Variants in PREX2 observed in about 807,000 individuals in gnomAD.
PREX2 encodes phosphatidylinositol 3,4,5-trisphosphate-dependent Rac exchanger 2 protein.
A neutral mutation model predicts 203.2 loss-of-function variants in PREX2; 107 were observed. The ratio of observed to expected loss-of-function variants is 0.53; its 90% CI spans 0.45 to 0.62. The LOEUF (loss-of-function observed/expected upper bound fraction) is 0.62, where lower values mean the gene tolerates loss of function less well. Ranked by LOEUF, PREX2 falls within the 20% of genes least tolerant of loss-of-function variation. The pLI is 0.00. For synonymous variants in PREX2, 672 were observed against 663.6 expected (o/e 1.01, Z -0.19); for missense variants, 1,777 against 1,955.9 (o/e 0.91, Z 1.72).
chr8:68,119,582 A>G (rs949973971), intron 28 of PREX2, 68 bp downstream of exon 28: 20 of 1,110,988 alleles, frequency 1.8e-5, no homozygotes, highest in African/African-American at 6.2e-5. Context: ...TTTCATATGC[A>G]GTAAAAGGAG....
intron 35 of PREX2, among the ~76,000 whole-genome samples, chr8:68,174,144 G>T (rs1297856031): frequency 1.3e-5 from 2 of 152,000 alleles, no homozygotes; most frequent in Non-Finnish European, 2.9e-5. Context: ...GACTTCTTTT[G>T]TTTTGTGGAT....
intron 37 of PREX2, among the ~76,000 whole-genome samples, chr8:68,210,324 A>T (rs1203362954): frequency 6.6e-6 from 1 of 152,180 alleles, no homozygotes; most frequent in Non-Finnish European, 1.5e-5. Context: ...AAATTCAGAG[A>T]TCATCACCCT....
At chr8:68,055,703 A>G (rs1255763654) in intron 9 of PREX2, 127 bp from the exon 10 acceptor site, 1 of 844,462 alleles carries the variant, frequency 1.2e-6, no homozygotes, top group Non-Finnish European at 1.8e-6. Flanking sequence ...ACTATTATAC[A>G]GAGATCTGTA....
Position 68,115,889 on chromosome 8 carries a change from G to C in PREX2, c.3283G>C (p.Glu1095Gln). The part of the protein sequence containing the change: ...VCFNVAGDEQ[E>Q]DSGHDTISNR... ...TTTTAATGTAGCAGGAGATGAACAG[G>C]AAGATTCTGGTCATGACACCATCAG... is the stretch of plus-strand genomic sequence containing the variant. Residue 1095 changes from glutamate to glutamine, a missense_variant, in exon 26 of 40, where the codon GAA becomes CAA. Glu to Gln is a conservative substitution (Grantham distance 29). Coordinates refer to ENST00000288368, the MANE Select transcript of PREX2 (RefSeq NM_024870.4). The C allele has an allele frequency of 6.2e-7, 1 of 1,613,674 alleles. No individual in the cohort carries two copies. The highest frequency in any genetic ancestry group is 8.5e-7 in the Non-Finnish European group (1 of 1,179,816).
intron 23 of PREX2, chr8:68,105,163 A>G (rs571804716): frequency 3.7e-6 from 5 of 1,367,680 alleles, no homozygotes; most frequent in African/African-American, 1.5e-5. Context: ...AGGTTTTACA[A>G]TTTCACAGCA....
At chr8:68,050,083 A>G (rs1053496626) in intron 8 of PREX2, among the ~76,000 whole-genome samples, 1 of 150,124 alleles carries the variant, frequency 6.7e-6, no homozygotes, top group African/African-American at 2.5e-5. Flanking sequence ...TATGTTTATA[A>G]TTACTTATTA....
At chr8:68,135,837 CTG>C (rs1811104902) in intron 32 of PREX2, among the ~76,000 whole-genome samples, 3 of 152,068 alleles carry the variant, frequency 2.0e-5, no homozygotes, top group African/African-American at 7.2e-5. Flanking sequence ...TGTCCATCAA[CTG>C]ATGAATGGAT....
chr8:68,146,123 C>T (rs996780187), intron 33 of PREX2, 86 bp from the exon 34 acceptor site: 2 of 901,464 alleles, frequency 2.2e-6, no homozygotes, highest in Non-Finnish European at 3.4e-6. Flanking sequence ...TCGAGTAATT[C>T]TCAGGATTCT....
In PREX2 at chr8:68,099,839, A is replaced by G. The variant is rs757982109; in HGVS notation, c.2711A>G (p.Lys904Arg). 3 of 1,607,986 alleles carry G rather than the reference A, an allele frequency of 1.9e-6. No homozygotes were observed. In the South Asian group the frequency reaches 3.3e-5, roughly 18 times the overall value. The change falls in exon 23 of 40, where the codon AAA becomes AGA. Residue 904 changes from lysine to arginine, a missense_variant. Lys to Arg is a conservative substitution (Grantham distance 26, BLOSUM62 2). Coordinates refer to ENST00000288368, the MANE Select transcript of PREX2 (RefSeq NM_024870.4). ...EHLCQRISSY[K>R]KFSRVLKNRA... ...CTATGTCAGAGAATATCCAGTTATAAAAAGGTAAGTGTTCTATTGATTTTA... is the reference window on the plus strand; with the variant it reads ...CTATGTCAGAGAATATCCAGTTATAGAAAGGTAAGTGTTCTATTGATTTTA...
chr8:67,988,877 G>A (rs75728369), intron 1 of PREX2, among the ~76,000 whole-genome samples: 1 of 152,208 alleles, frequency 6.6e-6, no homozygotes, highest in Non-Finnish European at 1.5e-5. Context: ...CCAAGAGGCA[G>A]CATGGCCGTA....
At chr8:68,111,009 G>T (rs1293231987) in intron 25 of PREX2, 1 of 392,976 alleles carries the variant, frequency 2.5e-6, no homozygotes, top group Non-Finnish European at 5.0e-6. Context: ...TTTGAATTGT[G>T]TTGGAATCCT....
At chr8:67,965,955 T>A (rs1286246635) in intron 1 of PREX2, among the ~76,000 whole-genome samples, 1 of 152,176 alleles carries the variant, frequency 6.6e-6, no homozygotes, top group Non-Finnish European at 1.5e-5. Flanking sequence ...AATTCTCACA[T>A]GTAAGTTGGG....
chr8:68,112,381 A>T (rs927141169), intron 25 of PREX2, among the ~76,000 whole-genome samples: 2 of 152,170 alleles, frequency 1.3e-5, no homozygotes, highest in Non-Finnish European at 2.9e-5. Flanking sequence ...GGACTGGTAG[A>T]CATAGGGGAT....
At chr8:68,060,869 A>G (rs1808830323) in intron 11 of PREX2, 90 bp downstream of exon 11, 1 of 812,576 alleles carries the variant, frequency 1.2e-6, no homozygotes, top group South Asian at 1.8e-5. Flanking sequence ...ACAATTCCCC[A>G]CATTATAGGA....
chr8:68,053,320 CAT>C (rs1808578812), intron 9 of PREX2, 74 bp downstream of exon 9: 1 of 1,493,404 alleles, frequency 6.7e-7, no homozygotes, highest in Non-Finnish European at 9.2e-7. Flanking sequence ...AATGGGAAAA[CAT>C]GAGAAAATGG....
chr8:68,176,735 C>G (rs1811987381), intron 35 of PREX2: 2 of 152,066 alleles, frequency 1.3e-5, no homozygotes, highest in Admixed American at 6.6e-5. Context: ...AGTTTTTCGG[C>G]AGAGCAACTT....
At chr8:68,194,510 G>A (rs77869416) in intron 37 of PREX2, among the ~76,000 whole-genome samples, 2,784 of 152,058 alleles carry the variant, frequency 0.018, 130 homozygotes, top group East Asian at 0.18. Context: ...AGGAGTGGCC[G>A]GGCGCAGTGG....
chr8:68,097,517 G>T (rs1055775944), intron 22 of PREX2, among the ~76,000 whole-genome samples: 1 of 152,124 alleles, frequency 6.6e-6, no homozygotes, highest in African/African-American at 2.4e-5. Context: ...TAGAGATGAG[G>T]TTTCACCATG....
chr8:68,176,108 A>C (rs1355139772), intron 35 of PREX2, among the ~76,000 whole-genome samples: 3 of 152,188 alleles, frequency 2.0e-5, no homozygotes, highest in Non-Finnish European at 4.4e-5. Flanking sequence ...AAAGTCTGGG[A>C]TGTGCTTCAG....
Sources: gnomAD v4.1 joint callset for allele counts (sites outside exome capture counted in the v4.1 genomes callset) on GRCh38, gnomAD v4.1.1 for gene constraint, MANE v1.5 for transcripts, NCBI Gene and HGNC (gene_info 2026-07-23, HGNC 2026-07-21) for gene names.